Variants in IFNAR1 observed in about 807,000 individuals in gnomAD.
IFNAR1 encodes interferon alpha and beta receptor subunit 1.
In IFNAR1, 47 loss-of-function variants were observed where a neutral mutation model predicts 62.1. That is an observed-to-expected ratio of 0.76 (90% CI 0.60 to 0.97). The LOEUF (loss-of-function observed/expected upper bound fraction) is 0.97, where lower values mean the gene tolerates loss of function less well. Ranked by LOEUF, IFNAR1 falls within the 50% of genes least tolerant of loss-of-function variation. The probability of loss-of-function intolerance (pLI) is 0.00; values close to 1 mark genes in which losing one functional copy is unlikely to be tolerated. For missense variants in IFNAR1, 638 were observed against 654.5 expected (o/e 0.97, Z 0.27); for synonymous variants, 219 against 226.9 (o/e 0.97, Z 0.31).
chr21:33,335,643 C>A lies in IFNAR1; in HGVS notation c.196C>A (p.Gln66Lys). 6.4e-7 allele frequency: 1 copy of A among 1,559,860 alleles called. No homozygotes were observed. The change falls in exon 2 of 11, where the codon CAA becomes AAA. Residue 66 changes from glutamine to lysine, a missense_variant. Physicochemically the swap from Gln to Lys is moderately conservative, Grantham distance 53 (BLOSUM62 1). Coordinates refer to ENST00000270139, the MANE Select transcript of IFNAR1 (RefSeq NM_000629.3). ...GAATGTGACTTTTTCATTCGATTATCAAAAGTATGTGACTCTACTTACTGA... is the reference window on the plus strand; with the variant it reads ...GAATGTGACTTTTTCATTCGATTATAAAAAGTATGTGACTCTACTTACTGA... ...VGNVTFSFDYQKTGMDNWIKL... is the reference protein window; with the variant it reads ...VGNVTFSFDYKKTGMDNWIKL...
chr21:33,349,263 G>A lies in IFNAR1; in HGVS notation c.961G>A (p.Glu321Lys). Residue 321 changes from glutamate to lysine, a missense_variant, in exon 7 of 11, where the codon GAG becomes AAG. Glu to Lys is a moderately conservative substitution (Grantham distance 56, BLOSUM62 1). Coordinates refer to ENST00000270139, the MANE Select transcript of IFNAR1 (RefSeq NM_000629.3). ...DGNNTSFWSEEIKFDTEIQAF... is the reference protein window; with the variant it reads ...DGNNTSFWSEKIKFDTEIQAF... The stretch of plus-strand genomic sequence containing the variant: ...AAATAACACATCTTTTTGGTCTGAA[G>A]AGATAAAGTTTGATACTGAAATACA... 6.2e-7 allele frequency: 1 copy of A among 1,609,506 alleles called. No homozygotes were observed. Among genetic ancestry groups the A allele is most frequent in the Non-Finnish European group, 8.5e-7 (1 of 1,177,000 alleles).
In IFNAR1 at chr21:33,358,830, C is replaced by A. The variant is rs2083473432; in HGVS notation, c.*3281C>A. On this transcript the variant is annotated 3_prime_UTR_variant, in exon 11 of 11. Coordinates refer to ENST00000270139, the MANE Select transcript of IFNAR1 (RefSeq NM_000629.3). Reference sequence around the variant, plus strand: ...ACCAACCTGGGTAACATGGCCAGACCCCATCTCTATTTATATATATATATA... The same window carrying A: ...ACCAACCTGGGTAACATGGCCAGACACCATCTCTATTTATATATATATATA... 1 of 150,260 alleles carries A rather than the reference C, an allele frequency of 6.7e-6. No individual in the cohort carries two copies. Among genetic ancestry groups the A allele is most frequent in the African/African-American group, 2.5e-5 (1 of 39,734 alleles). The allele number at this position is 150,260 out of a possible 1,614,324, so 9.3% of individuals were successfully genotyped here. A position where few individuals can be genotyped will look rare whatever the true frequency, so the allele number is the denominator to read the frequency against.
intron 1 of IFNAR1, among the ~76,000 whole-genome samples, chr21:33,332,796 A>G (rs17875787): frequency 2.3e-3 from 356 of 152,354 alleles, no homozygotes; most frequent in African/African-American, 8.2e-3. Flanking sequence ...GAACTTGAAG[A>G]TATACCATTT....
rs1171143368 is a variant in IFNAR1 at position 33,343,532 on chromosome 21, T to C, written c.532-3T>C. 3 of 1,531,092 alleles carry C rather than the reference T, an allele frequency of 2.0e-6. No individual in the cohort carries two copies. The highest frequency in any genetic ancestry group is 1.8e-6 in the Non-Finnish European group (2 of 1,111,476). 94.8% of individuals were successfully genotyped at this position (1,531,092 alleles called of 1,614,324 possible). On this transcript the variant is annotated splice_region_variant and splice_polypyrimidine_tract_variant and intron_variant, in intron 4 of 10. Transcript: ENST00000270139. ...AAAGAACCAACTTATATTTGTGTTA[T>C]AGGAAAGGATTGAAAATATTTATTC... is the stretch of plus-strand genomic sequence containing the variant.
In IFNAR1 at chr21:33,325,100, C is replaced by T. The variant is rs757202886; in HGVS notation, c.45C>T (p.Ala15=). 7 of 1,611,224 alleles carry T rather than the reference C, an allele frequency of 4.3e-6. No homozygotes were observed. In the South Asian group the frequency reaches 7.7e-5, roughly 18 times the overall value. ...GCGCGACGACCCTAGTGCTCGTCGC[C>T]GTGGCGCCATGGGTGTTGTCCGCAG... ...LLGATTLVLV[A]VAPWVLSAAA... is the part of the protein sequence containing the mutation. The change falls in exon 1 of 11, where the codon GCC becomes GCT. Residue 15 remains alanine (A), a synonymous_variant. Coordinates refer to ENST00000270139, the MANE Select transcript of IFNAR1 (RefSeq NM_000629.3).
upstream of IFNAR1, chr21:33,324,888 G>A (rs1363583063): frequency 5.8e-5 from 18 of 311,434 alleles, no homozygotes; most frequent in Middle Eastern, 8.9e-4. Context: ...GTGCGCGGAG[G>A]GGCGGTGTGT....
Position 33,349,527 on chromosome 21 carries a change from ACACTT to A in IFNAR1, c.1130_1134del (p.Thr377LysfsTer3), listed in dbSNP as rs2083381117. On this transcript the variant is annotated frameshift_variant, in exon 8 of 11. Coordinates refer to ENST00000270139, the MANE Select transcript of IFNAR1 (RefSeq NM_000629.3). LOFTEE classifies it high-confidence loss of function. ...ATTTATGAAATTATTTTTTGGGAAA[ACACTT>A]CAAATGCTGAGGTAAAAAGACTGTA... 8 of 1,606,370 alleles carry A rather than the reference ACACTT, an allele frequency of 5.0e-6. No homozygotes were observed. Among genetic ancestry groups the A allele is most frequent in the Non-Finnish European group, 6.8e-6 (8 of 1,175,404 alleles).
chr21:33,343,398 CT>C lies in IFNAR1; in HGVS notation c.508del (p.Trp170GlyfsTer7). Reference protein sequence around the residue: ...GLSFTYSLVIWKNSSGVEERI... With the variant: ...GLSFTYSLVIXKNSSGVEERI... ...TAAGCTTTACATATAGCTTAGTTAT[CT>C]GGAAAAACTCTTCAGGTGTAGAAGT... On this transcript the variant is annotated frameshift_variant, in exon 4 of 11. Transcript: ENST00000270139. LOFTEE classifies it high-confidence loss of function. The C allele has an allele frequency of 6.2e-7, 1 of 1,612,428 alleles. No individual in the cohort carries two copies. Among genetic ancestry groups the C allele is most frequent in the Admixed American group, 1.7e-5 (1 of 59,946 alleles).
At chr21:33,335,105 T>C in intron 1 of IFNAR1, 3 of 750,856 alleles carry the variant, frequency 4.0e-6, no homozygotes, top group Non-Finnish European at 7.2e-6. Flanking sequence ...CCTTATTTAT[T>C]TGGACGTAAC....
intron 6 of IFNAR1, among the ~76,000 whole-genome samples, chr21:33,345,833 A>G (rs1047868478): frequency 2.6e-5 from 4 of 152,222 alleles, no homozygotes; most frequent in African/African-American, 4.8e-5. Flanking sequence ...TGTAGTAGAT[A>G]CTTCGGTGGG....
At chr21:33,354,009 A>G (rs2083425135) in intron 10 of IFNAR1, among the ~76,000 whole-genome samples, 3 of 152,196 alleles carry the variant, frequency 2.0e-5, no homozygotes, top group South Asian at 2.1e-4. Context: ...TTTTCTGGCA[A>G]TTCCTAGATT....
intron 2 of IFNAR1, among the ~76,000 whole-genome samples, chr21:33,338,130 G>A (rs114656075): frequency 1.2e-3 from 183 of 152,162 alleles, no homozygotes; most frequent in African/African-American, 4.2e-3. Context: ...ACATACAGTG[G>A]CCAACAAGTA....
intron 1 of IFNAR1, among the ~76,000 whole-genome samples, chr21:33,332,304 G>C (rs146716562): frequency 3.9e-5 from 6 of 152,156 alleles, no homozygotes; most frequent in Non-Finnish European, 8.8e-5. Context: ...AGGTAAAGCA[G>C]CTGCTTTACC....
At chr21:33,324,674 T>C, upstream of IFNAR1, 1 of 219,238 alleles carries the variant, frequency 4.6e-6, no homozygotes, top group African/African-American at 2.3e-5. Context: ...CAAGGCCTCC[T>C]GTGAGGGGGA....
In IFNAR1 at chr21:33,348,671, G is replaced by A. The variant is rs199801879; in HGVS notation, c.789-420G>A. ...ACAAAAATTAGGCAGGCCTGGTGGC[G>A]TGCACCTGTAATCCCAGCTACTCAG... On this transcript the variant is annotated intron_variant, in intron 6 of 10. Coordinates refer to ENST00000270139, the MANE Select transcript of IFNAR1 (RefSeq NM_000629.3). 3.7e-4 allele frequency among the ~76,000 whole-genome samples: 57 copies of A among 152,128 alleles called. No homozygotes were observed. The East Asian group carries it at 7.9e-3, about 21-fold the overall frequency.
Position 33,359,425 on chromosome 21 carries a change from G to T in IFNAR1, c.*3876G>T, listed in dbSNP as rs1347581061. 2 of 152,174 alleles carry T rather than the reference G, an allele frequency of 1.3e-5. No individual in the cohort carries two copies. Among genetic ancestry groups the T allele is most frequent in the Admixed American group, 1.3e-4 (2 of 15,272 alleles). 9.4% of individuals were successfully genotyped at this position (152,174 alleles called of 1,614,324 possible). ...TGTGCTTGGTGTTCCAGAGCCCAGG[G>T]TTGAGCATCCTGAAGGAGCCACTGC... On this transcript the variant is annotated 3_prime_UTR_variant, in exon 11 of 11. Coordinates refer to ENST00000270139, the MANE Select transcript of IFNAR1 (RefSeq NM_000629.3).
chr21:33,339,759 TA>T lies in IFNAR1; in HGVS notation c.201-1229del, dbSNP rs543297726. Among the ~76,000 whole-genome samples, 151 of 142,710 alleles carry T rather than the reference TA, an allele frequency of 1.1e-3. 2 individuals are homozygous for T. The highest frequency in any genetic ancestry group is 7.3e-3 in the Middle Eastern group (2 of 274). The allele number at this position is 142,710 out of a possible 152,430, so 93.6% of individuals were successfully genotyped here. On this transcript the variant is annotated intron_variant, in intron 2 of 10. Transcript: ENST00000270139. ...CAACATGGCAAAACCCCATCTCTAC[TA>T]AAAAAAAAAATACAAAAATTAGCCA...
chr21:33,333,524 T>A (rs763094405), intron 1 of IFNAR1, among the ~76,000 whole-genome samples: 1 of 151,172 alleles, frequency 6.6e-6, no homozygotes, highest in Non-Finnish European at 1.5e-5. Context: ...TAGAAAACTT[T>A]AACAAAATGA....
intron 1 of IFNAR1, among the ~76,000 whole-genome samples, chr21:33,328,147 C>T (rs765328332): frequency 7.2e-5 from 11 of 152,126 alleles, no homozygotes; most frequent in Non-Finnish European, 1.5e-4. Flanking sequence ...GTTTTTAGCT[C>T]ATCAGATATT....
Sources: gnomAD v4.1 joint callset for allele counts (sites outside exome capture counted in the v4.1 genomes callset) on GRCh38, gnomAD v4.1.1 for gene constraint, MANE v1.5 for transcripts, NCBI Gene and HGNC (gene_info 2026-07-23, HGNC 2026-07-21) for gene names.